ADAM10: variants seen among roughly 807,000 people sequenced by gnomAD.
ADAM10 encodes ADAM metallopeptidase domain 10.
Under a neutral mutation model 90.1 loss-of-function variants are expected in ADAM10, and 17 were observed. The ratio of observed to expected loss-of-function variants is 0.19; its 90% CI spans 0.13 to 0.28. ADAM10 has a LOEUF of 0.28. Among genes scored for constraint, ADAM10 ranks in the 10% least tolerant of loss-of-function variants. The probability of loss-of-function intolerance (pLI) is 1.00; values close to 1 mark genes in which losing one functional copy is unlikely to be tolerated. For missense variants in ADAM10, 610 were observed against 914.3 expected (o/e 0.67, Z 4.29); for synonymous variants, 310 against 298.6 (o/e 1.04, Z -0.40).
chr15:58,708,666 C>T (rs183177076), intron 2 of ADAM10, among the ~76,000 whole-genome samples: 1 of 152,180 alleles, frequency 6.6e-6, no homozygotes, highest in African/African-American at 2.4e-5. Context: ...AAATACCAAC[C>T]TGGCAATTGA....
chr15:58,689,944 A>ACCCC (rs57199536), intron 2 of ADAM10, among the ~76,000 whole-genome samples: 11 of 75,236 alleles, frequency 1.5e-4, no homozygotes, highest in African/African-American at 2.0e-4. Context: ...CCAAAGACAG[A>ACCCC]CCCCCCCCAA....
intron 1 of ADAM10, among the ~76,000 whole-genome samples, chr15:58,745,120 T>C (rs1195600853): frequency 6.6e-6 from 1 of 152,134 alleles, no homozygotes; most frequent in African/African-American, 2.4e-5. Context: ...CAGACGGAGG[T>C]TGCAGTGAGC....
chr15:58,633,153 G>C (rs1180209294), intron 9 of ADAM10, 43 bp downstream of exon 9: 3 of 1,529,596 alleles, frequency 2.0e-6, no homozygotes, highest in South Asian at 1.1e-5. Flanking sequence ...ATAAAAATTA[G>C]ACTAATAAGT....
chr15:58,671,577 T>A (rs1010112747), intron 4 of ADAM10, among the ~76,000 whole-genome samples: 1 of 152,206 alleles, frequency 6.6e-6, no homozygotes, highest in Admixed American at 6.5e-5. Flanking sequence ...TCATCACTTA[T>A]AAGAGTTGAG....
chr15:58,611,283 T>G (rs1335508070), intron 12 of ADAM10, 176 bp from the exon 13 acceptor site: 19 of 600,194 alleles, frequency 3.2e-5, no homozygotes, highest in South Asian at 2.5e-4. Context: ...TTGAAAAAAT[T>G]TGAAAAACAG....
chr15:58,730,426 G>A (rs554369884), intron 1 of ADAM10, among the ~76,000 whole-genome samples: 53 of 152,254 alleles, frequency 3.5e-4, no homozygotes, highest in Admixed American at 2.5e-3. Context: ...TTGAATAAGC[G>A]AAGTATTACA....
chr15:58,630,080 T>G (rs755872561), intron 9 of ADAM10, among the ~76,000 whole-genome samples: 1 of 152,158 alleles, frequency 6.6e-6, no homozygotes, highest in Non-Finnish European at 1.5e-5. Context: ...ACCCTCCATG[T>G]GTACAGTTAT....
chr15:58,620,086 G>T (rs906640813), intron 11 of ADAM10, among the ~76,000 whole-genome samples: 2 of 151,946 alleles, frequency 1.3e-5, no homozygotes, highest in Non-Finnish European at 2.9e-5. Context: ...TATTTTTTCA[G>T]TTACATCACA....
chr15:58,741,975 C>T (rs383902), intron 1 of ADAM10, among the ~76,000 whole-genome samples: 75,308 of 152,010 alleles, frequency 0.5, 21,392 homozygotes, highest in East Asian at 0.86. Context: ...CATTCTCTTC[C>T]ACCTCAGAAA....
intron 2 of ADAM10, among the ~76,000 whole-genome samples, chr15:58,688,782 ATATATC>A (rs1897685723): frequency 1.5e-5 from 2 of 129,120 alleles, no homozygotes; most frequent in Admixed American, 7.6e-5. Flanking sequence ...ATATATATAT[ATATATC>A]TCTCTCTCTC....
chr15:58,656,843 G>A (rs551235349), intron 5 of ADAM10, among the ~76,000 whole-genome samples: 1 of 152,180 alleles, frequency 6.6e-6, no homozygotes, highest in African/African-American at 2.4e-5. Context: ...CTTTCTGACT[G>A]AAGAACTCTA....
chr15:58,614,670 A>G (rs1003537409), intron 11 of ADAM10, among the ~76,000 whole-genome samples: 2 of 152,232 alleles, frequency 1.3e-5, no homozygotes, highest in African/African-American at 2.4e-5. Context: ...AGGGACAAAT[A>G]AAGTCTTTCC....
Position 58,592,116 on chromosome 15 carries a change from A to C in ADAM10, c.*5431T>G, listed in dbSNP as rs987832787. 6.6e-6 allele frequency: 1 copy of C among 152,194 alleles called. No individual in the cohort carries two copies. The allele number at this position is 152,194 out of a possible 1,614,324, so 9.4% of individuals were successfully genotyped here. A position where few individuals can be genotyped will look rare whatever the true frequency, so the allele number is the denominator to read the frequency against. On this transcript the variant is annotated 3_prime_UTR_variant, in exon 16 of 16. Transcript: ENST00000260408. ...CTAATGAAGGGGTAGTTAGATCAGGAGGCTTCATCATGATGAGATGTGACT... is the reference window on the plus strand; with the variant it reads ...CTAATGAAGGGGTAGTTAGATCAGGCGGCTTCATCATGATGAGATGTGACT...
chr15:58,639,519 A>C (rs1189411457), intron 8 of ADAM10, among the ~76,000 whole-genome samples: 2 of 152,350 alleles, frequency 1.3e-5, no homozygotes, highest in East Asian at 3.9e-4. Flanking sequence ...GAAAGTTTCG[A>C]ACATGAAAAA....
At chr15:58,607,355 T>G (rs1895306782) in intron 14 of ADAM10, among the ~76,000 whole-genome samples, 1 of 152,230 alleles carries the variant, frequency 6.6e-6, no homozygotes, top group Non-Finnish European at 1.5e-5. Context: ...CTAAGGATAT[T>G]TAGGACTTAG....
intron 2 of ADAM10, among the ~76,000 whole-genome samples, chr15:58,700,631 A>G (rs907466560): frequency 6.6e-6 from 1 of 152,326 alleles, no homozygotes; most frequent in African/African-American, 2.4e-5. Context: ...AAAAATATGG[A>G]AAGATTTCAA....
intron 2 of ADAM10, among the ~76,000 whole-genome samples, chr15:58,714,675 G>C (rs2140811715): frequency 6.6e-6 from 1 of 151,842 alleles, no homozygotes; most frequent in Admixed American, 6.6e-5. Context: ...ATTATGTGTT[G>C]AGCCAATCTA....
intron 10 of ADAM10, among the ~76,000 whole-genome samples, chr15:58,626,586 A>T (rs541328684): frequency 9.2e-5 from 14 of 152,316 alleles, no homozygotes; most frequent in Admixed American, 2.6e-4. Context: ...CTGGAAGAAC[A>T]AAATCTGGTC....
chr15:58,648,846 T>C (rs1458089485), intron 5 of ADAM10, among the ~76,000 whole-genome samples: 5 of 150,774 alleles, frequency 3.3e-5, no homozygotes, highest in African/African-American at 1.2e-4. Context: ...TTAGTAATGC[T>C]TTTTTTTTGC....
Sources: gnomAD v4.1 joint callset for allele counts (sites outside exome capture counted in the v4.1 genomes callset) on GRCh38, gnomAD v4.1.1 for gene constraint, MANE v1.5 for transcripts, NCBI Gene and HGNC (gene_info 2026-07-23, HGNC 2026-07-21) for gene names.